FOXP1: variants seen among roughly 807,000 people sequenced by gnomAD.
FOXP1 encodes the protein forkhead box P1.
FOXP1 carries 15 observed loss-of-function variants against 98.2 expected under a neutral mutation model. The observed-to-expected ratio is 0.15, with a 90% confidence interval of 0.10 to 0.24. FOXP1 has a LOEUF of 0.24. Among genes scored for constraint, FOXP1 ranks in the 10% least tolerant of loss-of-function variants. The pLI is 1.00. For synonymous variants in FOXP1, 371 were observed against 314.5 expected (o/e 1.18, Z -1.90); for missense variants, 633 against 848.5 (o/e 0.75, Z 3.15).
chr3:71,521,459 G>C (rs573468015), intron 2 of FOXP1, among the ~76,000 whole-genome samples: 1 of 151,576 alleles, frequency 6.6e-6, no homozygotes, highest in South Asian at 2.1e-4. Context: ...CCTGGGAGGT[G>C]GAGATTGTGG....
chr3:71,116,170 G>A (rs2058361374), intron 6 of FOXP1, among the ~76,000 whole-genome samples: 1 of 152,116 alleles, frequency 6.6e-6, no homozygotes, highest in South Asian at 2.1e-4. Context: ...ATTAGCTACT[G>A]GGATCCTCAG....
At chr3:71,191,332 G>A (rs189163330) in intron 6 of FOXP1, among the ~76,000 whole-genome samples, 67 of 152,334 alleles carry the variant, frequency 4.4e-4, no homozygotes, top group African/African-American at 1.6e-3. Flanking sequence ...AGACTTGTGA[G>A]TAGACAAGAG....
intron 3 of FOXP1, among the ~76,000 whole-genome samples, chr3:71,378,805 TATC>T (rs751237854): frequency 5.3e-5 from 8 of 152,098 alleles, no homozygotes; most frequent in Non-Finnish European, 1.0e-4. Context: ...AATTAAATCT[TATC>T]ATATGTATGT....
At chr3:71,141,962 G>A (rs62256861) in intron 6 of FOXP1, among the ~76,000 whole-genome samples, 4 of 152,026 alleles carry the variant, frequency 2.6e-5, no homozygotes, top group East Asian at 1.9e-4. Context: ...AAGAAAGCAT[G>A]AAACAGTGCT....
chr3:71,158,224 AAGAC>A (rs770126766), intron 6 of FOXP1, among the ~76,000 whole-genome samples: 15 of 151,780 alleles, frequency 9.9e-5, no homozygotes, highest in South Asian at 4.2e-4. Context: ...AGAAAAAAGA[AAGAC>A]AGAAGAGAGA....
At chr3:71,487,400 C>T (rs1293686444) in intron 3 of FOXP1, among the ~76,000 whole-genome samples, 2 of 152,174 alleles carry the variant, frequency 1.3e-5, no homozygotes, top group African/African-American at 2.4e-5. Flanking sequence ...TGTTTAAAAA[C>T]TGTCTGCCAG....
intron 5 of FOXP1, among the ~76,000 whole-genome samples, chr3:71,198,792 A>G (rs2063474952): frequency 6.6e-6 from 1 of 151,772 alleles, no homozygotes; most frequent in African/African-American, 2.4e-5. Flanking sequence ...TCCCGGGTTC[A>G]AGAGATTCTC....
At chr3:71,503,559 C>T (rs1314990692) in intron 2 of FOXP1, among the ~76,000 whole-genome samples, 2 of 141,122 alleles carry the variant, frequency 1.4e-5, no homozygotes, top group African/African-American at 5.2e-5. Flanking sequence ...CAAGATAGTG[C>T]CATTGCACTC....
intron 4 of FOXP1, among the ~76,000 whole-genome samples, chr3:71,322,752 T>C (rs1000409373): frequency 1.3e-5 from 2 of 152,056 alleles, no homozygotes; most frequent in African/African-American, 2.4e-5. Flanking sequence ...CAAGCCAAAC[T>C]AGAAGTCTGG....
At chr3:70,987,937 T>A (rs2040013924) in intron 14 of FOXP1, 57 bp downstream of exon 14, 1 of 1,526,256 alleles carries the variant, frequency 6.6e-7, no homozygotes, top group Admixed American at 1.7e-5. Flanking sequence ...GGTGGGGAAG[T>A]AGAAAAGGAA....
chr3:70,961,058 T>G (rs1388563308), intron 20 of FOXP1, among the ~76,000 whole-genome samples: 1 of 151,834 alleles, frequency 6.6e-6, no homozygotes, highest in African/African-American at 2.4e-5. Context: ...GGTCTCGATC[T>G]CCTGACCTCG....
intron 6 of FOXP1, among the ~76,000 whole-genome samples, chr3:71,122,880 T>C (rs6802640): frequency 0.59 from 89,629 of 151,902 alleles, 27,466 homozygotes; most frequent in Non-Finnish European, 0.66. Context: ...TGGCCACGGG[T>C]AATCTTGGCA....
chr3:71,274,330 T>C (rs1189323482), intron 5 of FOXP1, among the ~76,000 whole-genome samples: 1 of 152,306 alleles, frequency 6.6e-6, no homozygotes, highest in East Asian at 1.9e-4. Flanking sequence ...AGAAGAAATA[T>C]GGTCCTTAGA....
chr3:71,581,188 C>G, intron 2 of FOXP1: 1 of 985,188 alleles, frequency 1.0e-6, no homozygotes, highest in Non-Finnish European at 1.2e-6. Context: ...ACTTTGTAAT[C>G]AGCCCAGCAA....
intron 6 of FOXP1, among the ~76,000 whole-genome samples, chr3:71,135,255 CAAAAAAAAA>C (rs11285510): frequency 1.3e-5 from 1 of 76,342 alleles, no homozygotes; most frequent in Non-Finnish European, 2.5e-5. Flanking sequence ...GCCTCCGTCT[CAAAAAAAAA>C]AAAAAAAAAA....
intron 11 of FOXP1, among the ~76,000 whole-genome samples, chr3:71,022,156 G>A (rs2045535510): frequency 6.6e-6 from 1 of 152,006 alleles, no homozygotes; most frequent in African/African-American, 2.4e-5. Flanking sequence ...AGGGGTCCAA[G>A]TTCATTTTTT....
At chr3:71,077,882 G>A (rs1266432097) in intron 7 of FOXP1, among the ~76,000 whole-genome samples, 3 of 151,606 alleles carry the variant, frequency 2.0e-5, no homozygotes, top group Non-Finnish European at 4.4e-5. Context: ...GCCCAGGCTG[G>A]AGTGCAATGG....
At chr3:70,991,961 T>C (rs2040670415) in intron 13 of FOXP1, among the ~76,000 whole-genome samples, 1 of 152,220 alleles carries the variant, frequency 6.6e-6, no homozygotes. Context: ...CTACTGTTCC[T>C]AGAGTTAGAC....
intron 4 of FOXP1, among the ~76,000 whole-genome samples, chr3:71,348,525 G>GCA (rs2077522620): frequency 2.4e-5 from 3 of 122,872 alleles, no homozygotes; most frequent in African/African-American, 9.4e-5. Context: ...GTGTGTGCGT[G>GCA]TGTGTGTGTG....
Sources: allele counts gnomAD v4.1 joint callset (sites outside exome capture counted in the v4.1 genomes callset), GRCh38; gene constraint gnomAD v4.1.1; transcripts MANE v1.5; gene names NCBI Gene and HGNC (gene_info 2026-07-23, HGNC 2026-07-21).